The following PXYLP1 variants were observed in gnomAD, a reference collection of about 807,000 sequenced individuals.
PXYLP1 encodes acid phosphatase-like 2.
A neutral mutation model predicts 37.9 loss-of-function variants in PXYLP1; 17 were observed. The ratio of observed to expected loss-of-function variants is 0.45; its 90% CI spans 0.31 to 0.67. The LOEUF is 0.67. Ranked by LOEUF, PXYLP1 falls within the 30% of genes least tolerant of loss-of-function variation. The pLI, the probability that PXYLP1 is intolerant of heterozygous loss-of-function variation, is 0.07. For missense variants in PXYLP1, 511 were observed against 612.0 expected (o/e 0.84, Z 1.74); for synonymous variants, 221 against 232.2 (o/e 0.95, Z 0.44).
intron 2 of PXYLP1, among the ~76,000 whole-genome samples, chr3:141,261,220 C>T (rs574418207): frequency 6.6e-6 from 1 of 152,242 alleles, no homozygotes; most frequent in African/African-American, 2.4e-5. Context: ...GATCACAGCT[C>T]ATTGCAGACT....
At position 141,293,058 on chromosome 3, in the gene PXYLP1, C is replaced by A. The variant is rs753017425; in HGVS notation, c.1296C>A (p.Thr432=). Residue 432 remains threonine, a synonymous_variant, in exon 6 of 6, where the codon ACC becomes ACA. Coordinates refer to ENST00000286353, the MANE Select transcript of PXYLP1 (RefSeq NM_001037172.3). ...LYNGVDVTFH[T]SFCQDHHKRS... is the part of the protein sequence containing the mutation. ...ATGGCGTCGATGTCACATTCCACAC[C>A]TCTTTCTGCCAAGACCACCACAAGC... 3.7e-6 allele frequency: 6 copies of A among 1,614,206 alleles called. No individual in the cohort carries two copies. Among genetic ancestry groups the A allele is most frequent in the Non-Finnish European group, 5.1e-6 (6 of 1,180,034 alleles).
chr3:141,257,926 A>G (rs6771193), intron 1 of PXYLP1, among the ~76,000 whole-genome samples: 4,901 of 134,018 alleles, frequency 0.037, 232 homozygotes, highest in East Asian at 0.2. Context: ...AAAAAAAAAA[A>G]GAGAGAGAGA....
At chr3:141,267,392 C>CA (rs763990986) in intron 2 of PXYLP1, 2 of 152,094 alleles carry the variant, frequency 1.3e-5, no homozygotes, top group African/African-American at 2.4e-5. Context: ...CAGCTGGAGA[C>CA]AAAAAGTATG....
intron 1 of PXYLP1, among the ~76,000 whole-genome samples, chr3:141,243,544 G>A (rs905973318): frequency 1.2e-4 from 19 of 152,182 alleles, no homozygotes; most frequent in African/African-American, 3.9e-4. Context: ...CATCAGGCAC[G>A]CCCACTGACA....
chr3:141,250,910 G>C (rs1049090470), intron 1 of PXYLP1, among the ~76,000 whole-genome samples: 7 of 152,168 alleles, frequency 4.6e-5, no homozygotes, highest in African/African-American at 1.7e-4. Flanking sequence ...ATAGATACAT[G>C]AATTATTTAA....
intron 1 of PXYLP1, among the ~76,000 whole-genome samples, chr3:141,246,784 G>A (rs904474361): frequency 2.6e-5 from 4 of 152,198 alleles, no homozygotes; most frequent in African/African-American, 9.7e-5. Context: ...TCCCAAACTT[G>A]GTGCCTTAAA....
rs561951316 is a variant in PXYLP1, at chr3:141,255,494, G to A, written c.-53-4629G>A. Among the ~76,000 whole-genome samples, 7 of 152,346 alleles carry A rather than the reference G, an allele frequency of 4.6e-5. No individual in the cohort carries two copies. In the South Asian group the frequency reaches 1.4e-3, roughly 32 times the overall value. ...GATGTTTGGGGATTAGAAGATGTGG[G>A]AGCTGTAATCCCATAGCACCTCACC... is the stretch of plus-strand genomic sequence containing the variant. On this transcript the variant is annotated intron_variant, in intron 1 of 5. Coordinates refer to ENST00000286353, the MANE Select transcript of PXYLP1 (RefSeq NM_001037172.3).
chr3:141,245,964 A>G (rs1049816848), intron 1 of PXYLP1, among the ~76,000 whole-genome samples: 2 of 152,218 alleles, frequency 1.3e-5, no homozygotes, highest in African/African-American at 2.4e-5. Flanking sequence ...TCAGTGTGGT[A>G]TGATGGAAAT....
chr3:141,266,601 G>A (rs1410281276), intron 2 of PXYLP1, among the ~76,000 whole-genome samples: 1 of 141,132 alleles, frequency 7.1e-6, no homozygotes, highest in Non-Finnish European at 1.6e-5. Flanking sequence ...GAGCTGAGGA[G>A]GCCCCACTTA....
At position 141,293,422 on chromosome 3, in the gene PXYLP1, A is replaced by G. The variant is rs1281848177; in HGVS notation, c.*217A>G. 3.5e-6 allele frequency: 2 copies of G among 570,834 alleles called. No individual in the cohort carries two copies. The highest frequency in any genetic ancestry group is 2.3e-5 in the South Asian group (1 of 43,222). The allele number at this position is 570,834 out of a possible 1,614,324, so 35.4% of individuals were successfully genotyped here. On this transcript the variant is annotated 3_prime_UTR_variant, in exon 6 of 6. Coordinates refer to ENST00000286353, the MANE Select transcript of PXYLP1 (RefSeq NM_001037172.3). ...TACAAAATGGCCAGTTCACAGAGGA[A>G]TAGAAGGTACTTTATCATAGCCAGA...
rs904511716 is a variant in PXYLP1 at position 141,242,323 on chromosome 3, C to G, written c.-54+10412C>G. On this transcript the variant is annotated intron_variant, in intron 1 of 5. Coordinates refer to ENST00000286353, the MANE Select transcript of PXYLP1 (RefSeq NM_001037172.3). ...GGCTGAGTCCTCTCCATGGGGCCCGCTGGAGGCTGGTGTGCAGTCCATCAG... is the reference window on the plus strand; with the variant it reads ...GGCTGAGTCCTCTCCATGGGGCCCGGTGGAGGCTGGTGTGCAGTCCATCAG... Among the ~76,000 whole-genome samples, 7 of 152,206 alleles carry G rather than the reference C, an allele frequency of 4.6e-5. No individual in the cohort carries two copies. The East Asian group carries it at 1.2e-3, about 25-fold the overall frequency.
chr3:141,249,229 T>C (rs1285548037), intron 1 of PXYLP1, among the ~76,000 whole-genome samples: 1 of 152,224 alleles, frequency 6.6e-6, no homozygotes, highest in Admixed American at 6.5e-5. Flanking sequence ...TAGAATCACC[T>C]GCCAGTGAGA....
At position 141,278,411 on chromosome 3, in the gene PXYLP1, A is replaced by G; in HGVS notation, c.149A>G (p.Asp50Gly). The G allele has an allele frequency of 1.2e-6, 2 of 1,613,944 alleles. No homozygotes were observed. The highest frequency in any genetic ancestry group is 1.7e-6 in the Non-Finnish European group (2 of 1,179,962). ...SSKSRKRIMPDPVTEPPVTDP... is the reference protein window; with the variant it reads ...SSKSRKRIMPGPVTEPPVTDP... ...AAGAGTCGAAAGAGAATCATGCCCG[A>G]CCCTGTGACGGAGCCCCCTGTGACA... Residue 50 changes from aspartate to glycine, a missense_variant, in exon 3 of 6, where the codon GAC becomes GGC. Asp to Gly is a moderately conservative substitution (Grantham distance 94, BLOSUM62 -1). Coordinates refer to ENST00000286353, the MANE Select transcript of PXYLP1 (RefSeq NM_001037172.3).
At chr3:141,235,104 T>C (rs1940627237) in intron 1 of PXYLP1, 1 of 152,138 alleles carries the variant, frequency 6.6e-6, no homozygotes, top group South Asian at 2.1e-4. Context: ...AGGTTCCTGG[T>C]TGGTGGATAA....
In PXYLP1 at chr3:141,279,388, G is replaced by A. The variant is rs901243870; in HGVS notation, c.249G>A (p.Pro83=). ...VAERSMEGHA[P]HHFKLVSVHV... ...GCTTCTCTCGCGCAGGTCATGCCCC[G>A]CATCATTTTAAGCTGGTCTCAGTGC... Residue 83 remains proline, a synonymous_variant, in exon 4 of 6, where the codon CCG becomes CCA. Coordinates refer to ENST00000286353, the MANE Select transcript of PXYLP1 (RefSeq NM_001037172.3). 3.2e-5 allele frequency: 51 copies of A among 1,614,004 alleles called. No individual in the cohort carries two copies. The East Asian group carries it at 4.5e-4, about 14-fold the overall frequency.
chr3:141,253,808 A>C (rs1306290417), intron 1 of PXYLP1, among the ~76,000 whole-genome samples: 1 of 150,160 alleles, frequency 6.7e-6, no homozygotes, highest in Non-Finnish European at 1.5e-5. Context: ...TGCCAATCTT[A>C]TTTCATCTAT....
At chr3:141,249,168 A>G (rs1026823793) in intron 1 of PXYLP1, among the ~76,000 whole-genome samples, 1 of 152,166 alleles carries the variant, frequency 6.6e-6, no homozygotes, top group Non-Finnish European at 1.5e-5. Context: ...ACTGGCAGTG[A>G]TAACAAGCTA....
At chr3:141,267,352 A>G (rs905726367) in intron 2 of PXYLP1, 6 of 152,212 alleles carry the variant, frequency 3.9e-5, no homozygotes, top group Admixed American at 6.5e-5. Context: ...AAAAGCCCCA[A>G]TGCGCTTCCT....
In PXYLP1 at chr3:141,292,296, G is replaced by A. The variant is rs1942234543; in HGVS notation, c.534G>A (p.Gln178=). ...TTGTGCAGCATTTGCAGAACGGTCA[G>A]CTGCTGAGGGATATCTATCTAAAGA... The part of the protein sequence containing the change: ...TGVVQHLQNG[Q]LLRDIYLKKH... The change falls in exon 6 of 6, where the codon CAG becomes CAA. Residue 178 remains glutamine (Q), a synonymous_variant. Coordinates refer to ENST00000286353, the MANE Select transcript of PXYLP1 (RefSeq NM_001037172.3). The surrounding 1 kb of genome is among the most constrained non-coding windows in gnomAD (Gnocchi z 4.3). 1 of 1,604,850 alleles carries A rather than the reference G, an allele frequency of 6.2e-7. No homozygotes were observed. The highest frequency in any genetic ancestry group is 8.5e-7 in the Non-Finnish European group (1 of 1,175,222).
Sources: allele counts gnomAD v4.1 joint callset (sites outside exome capture counted in the v4.1 genomes callset), GRCh38; gene constraint gnomAD v4.1.1; non-coding constraint Gnocchi (gnomAD v3.1); transcripts MANE v1.5; gene names NCBI Gene and HGNC (gene_info 2026-07-23, HGNC 2026-07-21).